NTF3: variants seen among roughly 807,000 people sequenced by gnomAD.
The protein encoded by NTF3 is neurotrophin-3.
In NTF3, 8 loss-of-function variants were observed where a neutral mutation model predicts 26.3. The observed-to-expected ratio is 0.30, with a 90% confidence interval of 0.18 to 0.55. NTF3 has a LOEUF of 0.55. Among genes scored for constraint, NTF3 ranks in the 20% least tolerant of loss-of-function variants. The pLI is 0.93. For synonymous variants in NTF3, 154 were observed against 145.5 expected (o/e 1.06, Z -0.42); for missense variants, 276 against 352.9 (o/e 0.78, Z 1.75).
rs1247121012 is a variant in NTF3 at position 5,433,086 on chromosome 12, C to G, written c.18+744C>G. ...TTGGAGTTCCCCGAAAGGGTTTTTTCAGAAAAGACCTCGCGCCCCGGGCTC... is the reference window on the plus strand; with the variant it reads ...TTGGAGTTCCCCGAAAGGGTTTTTTGAGAAAAGACCTCGCGCCCCGGGCTC... On this transcript the variant is annotated intron_variant, in intron 1 of 1. Coordinates refer to ENST00000423158, the MANE Select transcript of NTF3 (RefSeq NM_001102654.2). This position sits in a 1 kb window ranked among gnomAD's most constrained non-coding sequence, Gnocchi z 4.6. 4 of 152,282 alleles carry G rather than the reference C, an allele frequency of 2.6e-5. No homozygotes were observed. The highest frequency in any genetic ancestry group is 5.9e-5 in the Non-Finnish European group (4 of 68,108). 9.4% of individuals were successfully genotyped at this position (152,282 alleles called of 1,614,324 possible).
In NTF3 at chr12:5,432,172, C is replaced by A; in HGVS notation, c.-153C>A. The A allele has an allele frequency of 2.3e-6, 2 of 867,738 alleles. No individual in the cohort carries two copies. Among genetic ancestry groups the A allele is most frequent in the Non-Finnish European group, 3.8e-6 (2 of 529,954 alleles). The allele number at this position is 867,738 out of a possible 1,614,324, so 53.8% of individuals were successfully genotyped here. ...CGCACCGCCCCGCGACGCAGCCCGG[C>A]GCAACTACTTTCTTCTCTCTCCTTT... On this transcript the variant is annotated 5_prime_UTR_variant, in exon 1 of 2. Coordinates refer to ENST00000423158, the MANE Select transcript of NTF3 (RefSeq NM_001102654.2).
chr12:5,444,180 A>G (rs1234064648), intron 1 of NTF3, among the ~76,000 whole-genome samples: 1 of 152,248 alleles, frequency 6.6e-6, no homozygotes, highest in African/African-American at 2.4e-5. Flanking sequence ...GGCACAGTCA[A>G]GGATAGAACC....
At chr12:5,436,675 C>T (rs1238216472) in intron 1 of NTF3, among the ~76,000 whole-genome samples, 2 of 152,176 alleles carry the variant, frequency 1.3e-5, no homozygotes, top group Non-Finnish European at 2.9e-5. Context: ...GATCTGGACC[C>T]CTTTCTCTTT....
At chr12:5,462,651 G>A (rs1400970448) in intron 1 of NTF3, among the ~76,000 whole-genome samples, 1 of 152,150 alleles carries the variant, frequency 6.6e-6, no homozygotes, top group Non-Finnish European at 1.5e-5. Flanking sequence ...AACATCCTCA[G>A]TGAAGGCAGA....
chr12:5,441,123 GACCC>G (rs758636048), intron 1 of NTF3, among the ~76,000 whole-genome samples: 9 of 152,190 alleles, frequency 5.9e-5, no homozygotes, highest in Non-Finnish European at 1.3e-4. Flanking sequence ...AGAGAGATCA[GACCC>G]CGCCTCTAAC....
rs779157298 is a variant in NTF3, at chr12:5,494,506, C to T, written c.331C>T (p.Arg111Cys). Residue 111 changes from arginine to cysteine, a missense_variant, in exon 2 of 2, where the codon CGC becomes TGC. This residue lies in a region of NTF3 where 221 missense variants were observed against 258.2 expected (regional missense o/e 0.86). Coordinates refer to ENST00000423158, the MANE Select transcript of NTF3 (RefSeq NM_001102654.2). The surrounding 1 kb of genome is among the most constrained non-coding windows in gnomAD (Gnocchi z 8.3). ...MDTELLRQQR[R>C]YNSPRVLLSD... ...CACCGAACTGCTGCGACAACAGAGACGCTACAACTCACCGCGGGTCCTGCT... is the reference window on the plus strand; with the variant it reads ...CACCGAACTGCTGCGACAACAGAGATGCTACAACTCACCGCGGGTCCTGCT... 7 of 1,613,990 alleles carry T rather than the reference C, an allele frequency of 4.3e-6. No individual in the cohort carries two copies. In the Admixed American group the frequency reaches 6.7e-5, roughly 15 times the overall value.
intron 1 of NTF3, among the ~76,000 whole-genome samples, chr12:5,481,717 C>T (rs1054352897): frequency 7.7e-6 from 1 of 129,856 alleles, no homozygotes; most frequent in Non-Finnish European, 1.7e-5. Context: ...ACCACACGCA[C>T]ACACCACACA....
chr12:5,480,225 G>A (rs1427807572), intron 1 of NTF3, among the ~76,000 whole-genome samples: 1 of 152,072 alleles, frequency 6.6e-6, no homozygotes, highest in African/African-American at 2.4e-5. Flanking sequence ...AGGGGGTGGC[G>A]CCTGGGGTGA....
intron 1 of NTF3, among the ~76,000 whole-genome samples, chr12:5,478,507 G>A (rs893737880): frequency 6.6e-5 from 10 of 152,234 alleles, no homozygotes; most frequent in African/African-American, 2.4e-4. Flanking sequence ...GACTCACTTC[G>A]CATTGTGGTG....
intron 1 of NTF3, among the ~76,000 whole-genome samples, chr12:5,485,694 G>A (rs1565396601): frequency 6.6e-6 from 1 of 152,188 alleles, no homozygotes; most frequent in Non-Finnish European, 1.5e-5. Context: ...CAAGCTCTGG[G>A]TTGGTTTTTC....
At chr12:5,460,975 A>G (rs929530464) in intron 1 of NTF3, among the ~76,000 whole-genome samples, 6 of 152,284 alleles carry the variant, frequency 3.9e-5, no homozygotes, top group Non-Finnish European at 8.8e-5. Context: ...CTCCTGATAC[A>G]GATCAGGGTT....
chr12:5,442,789 T>G (rs1485509321), intron 1 of NTF3, among the ~76,000 whole-genome samples: 1 of 152,122 alleles, frequency 6.6e-6, no homozygotes. Context: ...GTTTACAAAG[T>G]ATTATTGTAA....
intron 1 of NTF3, among the ~76,000 whole-genome samples, chr12:5,467,636 C>T (rs1472398528): frequency 6.6e-6 from 1 of 152,218 alleles, no homozygotes; most frequent in East Asian, 1.9e-4. Flanking sequence ...CCAGTTCCAG[C>T]TTGAGCATTA....
At chr12:5,493,633 G>A (rs945528522) in intron 1 of NTF3, among the ~76,000 whole-genome samples, 2 of 152,090 alleles carry the variant, frequency 1.3e-5, no homozygotes, top group Non-Finnish European at 2.9e-5. Flanking sequence ...AGAATAGACC[G>A]TTCCAGCTGC....
chr12:5,487,727 A>T (rs763212948), intron 1 of NTF3, among the ~76,000 whole-genome samples: 4 of 152,196 alleles, frequency 2.6e-5, no homozygotes, highest in Non-Finnish European at 5.9e-5. Context: ...AGAATTAGAT[A>T]TCTTAAAGAA....
chr12:5,485,507 A>G (rs557554766), intron 1 of NTF3, among the ~76,000 whole-genome samples: 42 of 152,338 alleles, frequency 2.8e-4, no homozygotes, highest in Admixed American at 2.5e-3. Context: ...AGTGGGGATA[A>G]TAATCGTATC....
At chr12:5,472,546 A>G (rs1166462931) in intron 1 of NTF3, among the ~76,000 whole-genome samples, 1 of 152,164 alleles carries the variant, frequency 6.6e-6, no homozygotes, top group African/African-American at 2.4e-5. Flanking sequence ...TCCAGTGGTC[A>G]CTTACTCTCT....
intron 1 of NTF3, among the ~76,000 whole-genome samples, chr12:5,484,700 T>C (rs1422105594): frequency 6.6e-6 from 1 of 152,186 alleles, no homozygotes; most frequent in African/African-American, 2.4e-5. Flanking sequence ...TTTTCAGTTG[T>C]CAGCATGACT....
intron 1 of NTF3, among the ~76,000 whole-genome samples, chr12:5,471,883 A>G (rs1940670323): frequency 2.0e-5 from 3 of 152,054 alleles, no homozygotes; most frequent in Admixed American, 2.0e-4. Context: ...CAGAGAGAGG[A>G]GAATCAAATC....
Sources: gnomAD v4.1 joint callset for allele counts (sites outside exome capture counted in the v4.1 genomes callset) on GRCh38, gnomAD v4.1.1 for gene constraint, gnomAD v4.1.1 regional missense constraint, Gnocchi (gnomAD v3.1) non-coding constraint, MANE v1.5 for transcripts, NCBI Gene and HGNC (gene_info 2026-07-23, HGNC 2026-07-21) for gene names.